CLDN1: variants seen among roughly 807,000 people sequenced by gnomAD.
CLDN1 encodes the protein claudin 1.
In CLDN1, 12 loss-of-function variants were observed where a neutral mutation model predicts 22.6. The observed-to-expected ratio is 0.53, with a 90% CI of 0.34 to 0.86. CLDN1 has a LOEUF of 0.86. Ranked by LOEUF, CLDN1 falls within the 40% of genes least tolerant of loss-of-function variation. The probability of loss-of-function intolerance (pLI) is 0.02; values close to 1 mark genes in which losing one functional copy is unlikely to be tolerated. For synonymous variants in CLDN1, 99 were observed against 103.8 expected, an observed-to-expected ratio of 0.95 and a Z score of 0.28; for missense variants, 250 against 269.5, an observed-to-expected ratio of 0.93 and a Z score of 0.51.
chr3:190,313,033 G>T lies in CLDN1; in HGVS notation c.227C>A (p.Thr76Lys). 1 of 1,614,118 alleles carries T rather than the reference G, an allele frequency of 6.2e-7. No homozygotes were observed. The highest frequency in any genetic ancestry group is 1.1e-5 in the South Asian group (1 of 91,078). ...CATCAAGGCACGGGTTGCTTGCAAT[G>T]TGCCTGGCAGAAAACATTTTAAAAC... ...VFDSLLNLSSTLQATRALMVV... is the reference protein window; with the variant it reads ...VFDSLLNLSSKLQATRALMVV... The change falls in exon 2 of 4, where the codon ACA becomes AAA. Residue 76 changes from threonine (T) to lysine (K), a missense_variant. By Grantham distance (78) the Thr-to-Lys change is moderately conservative. Coordinates refer to ENST00000295522, the MANE Select transcript of CLDN1 (RefSeq NM_021101.5).
chr3:190,312,765 A>T, intron 2 of CLDN1, 107 bp downstream of exon 2: 1 of 1,228,544 alleles, frequency 8.1e-7, no homozygotes, highest in Non-Finnish European at 1.2e-6. Flanking sequence ...CTATGTTTGC[A>T]GTTTGCCTTA....
Position 190,312,984 on chromosome 3 carries a change from C to T in CLDN1, c.276G>A (p.Val92=), listed in dbSNP as rs1716667410. The change falls in exon 2 of 4, where the codon GTG becomes GTA. Residue 92 remains valine (V), a synonymous_variant. Coordinates refer to ENST00000295522, the MANE Select transcript of CLDN1 (RefSeq NM_021101.5). ...ALMVVGILLG[V]IAIFVATVGM... is the part of the protein sequence containing the mutation. Reference sequence around the variant, plus strand: ...CAACGGTGGCCACAAAGATTGCTATCACTCCCAGGAGGATGCCAACCACCA... The same window carrying T: ...CAACGGTGGCCACAAAGATTGCTATTACTCCCAGGAGGATGCCAACCACCA... 6.2e-7 allele frequency: 1 copy of T among 1,614,170 alleles called. No individual in the cohort carries two copies. Among genetic ancestry groups the T allele is most frequent in the African/African-American group, 1.3e-5 (1 of 75,046 alleles).
rs1362198693 is a variant in CLDN1 at position 190,307,081 on chromosome 3, C to G, written c.*1196G>C. On this transcript the variant is annotated 3_prime_UTR_variant, in exon 4 of 4. Transcript: ENST00000295522. Reference sequence around the variant, plus strand: ...GTTCAAAGAATGAGAGTAATATAAACTAATTAATATTCACACTACCTCTTC... The same window carrying G: ...GTTCAAAGAATGAGAGTAATATAAAGTAATTAATATTCACACTACCTCTTC... 6.6e-6 allele frequency: 1 copy of G among 152,568 alleles called. No homozygotes were observed. 9.5% of individuals were successfully genotyped at this position (152,568 alleles called of 1,614,324 possible).
chr3:190,313,931 A>T (rs1035056480), intron 1 of CLDN1, among the ~76,000 whole-genome samples: 4 of 152,222 alleles, frequency 2.6e-5, no homozygotes, highest in Admixed American at 6.5e-5. Context: ...ATTTTTAAAT[A>T]TGAACTGAAA....
chr3:190,322,433 T>C lies in CLDN1; in HGVS notation c.-227A>G. 1.7e-6 allele frequency: 1 copy of C among 583,088 alleles called. No homozygotes were observed. Among genetic ancestry groups the C allele is most frequent in the Non-Finnish European group, 3.1e-6 (1 of 325,588 alleles). 36.1% of individuals were successfully genotyped at this position (583,088 alleles called of 1,614,324 possible). On this transcript the variant is annotated 5_prime_UTR_variant, in exon 1 of 4. Transcript: ENST00000295522. ...CTAGAAGCTGCGGTTGCTCCCAGGC[T>C]CGGGAACTGAGACGCAGAACCGCTG...
At chr3:190,316,769 C>T (rs1716781771) in intron 1 of CLDN1, among the ~76,000 whole-genome samples, 1 of 152,110 alleles carries the variant, frequency 6.6e-6, no homozygotes, top group Non-Finnish European at 1.5e-5. Flanking sequence ...ATGTCTTTAT[C>T]CTTTAAAAAT....
At chr3:190,308,647 G>A (rs575268599) in intron 3 of CLDN1, among the ~76,000 whole-genome samples, 1 of 152,140 alleles carries the variant, frequency 6.6e-6, no homozygotes, top group Non-Finnish European at 1.5e-5. Context: ...TAGTAGATCA[G>A]GAAATAACAC....
At position 190,306,671 on chromosome 3, in the gene CLDN1, C is replaced by CCAA. The variant is rs1287475779; in HGVS notation, c.*1603_*1605dup. Reference sequence around the variant, plus strand: ...AAATCCAGGTCTCCAGACACCAATGCCAACACCCTTTCCATTACATCATCT... The same window carrying CCAA: ...AAATCCAGGTCTCCAGACACCAATGCCAACAACACCCTTTCCATTACATCATCT... On this transcript the variant is annotated 3_prime_UTR_variant, in exon 4 of 4. Coordinates refer to ENST00000295522, the MANE Select transcript of CLDN1 (RefSeq NM_021101.5). 1 of 152,670 alleles carries CCAA rather than the reference C, an allele frequency of 6.6e-6. No individual in the cohort carries two copies. The highest frequency in any genetic ancestry group is 6.5e-5 in the Admixed American group (1 of 15,276). The allele number at this position is 152,670 out of a possible 1,614,324, so 9.5% of individuals were successfully genotyped here. A position where few individuals can be genotyped will look rare whatever the true frequency, so the allele number is the denominator to read the frequency against.
intron 3 of CLDN1, among the ~76,000 whole-genome samples, chr3:190,309,399 T>C (rs1716551730): frequency 6.6e-6 from 1 of 152,202 alleles, no homozygotes; most frequent in Non-Finnish European, 1.5e-5. Flanking sequence ...TGGGTGATTA[T>C]ATAAAAAGAA....
chr3:190,322,271 G>T lies in CLDN1; in HGVS notation c.-65C>A. The T allele has an allele frequency of 2.1e-6, 3 of 1,442,102 alleles. No homozygotes were observed. Among genetic ancestry groups the T allele is most frequent in the Non-Finnish European group, 2.9e-6 (3 of 1,035,568 alleles). The allele number at this position is 1,442,102 out of a possible 1,614,324, so 89.3% of individuals were successfully genotyped here. On this transcript the variant is annotated 5_prime_UTR_variant, in exon 1 of 4. Coordinates refer to ENST00000295522, the MANE Select transcript of CLDN1 (RefSeq NM_021101.5). ...TGCAGAAGGCGGAGAGTTTGCAGGT[G>T]GGCAACCCGGACTCCCGAAGGTGGC...
chr3:190,316,240 T>C (rs1005441591), intron 1 of CLDN1, among the ~76,000 whole-genome samples: 1 of 152,236 alleles, frequency 6.6e-6, no homozygotes, highest in South Asian at 2.1e-4. Flanking sequence ...TTTTTTAAAA[T>C]GTCGTTTTGC....
Position 190,322,354 on chromosome 3 carries a change from A to G in CLDN1, c.-148T>C. 1.3e-6 allele frequency: 1 copy of G among 755,412 alleles called. No individual in the cohort carries two copies. Among genetic ancestry groups the G allele is most frequent in the Non-Finnish European group, 2.2e-6 (1 of 446,502 alleles). 46.8% of individuals were successfully genotyped at this position (755,412 alleles called of 1,614,324 possible). On this transcript the variant is annotated 5_prime_UTR_variant, in exon 1 of 4. Transcript: ENST00000295522. ...CCTGCTCGCTGCGCCGCCGCTGGAG[A>G]AGCTCTGGGTCGGGGTTGGGGTCCG...
chr3:190,310,367 A>G lies in CLDN1; in HGVS notation c.389-114T>C. 3 of 746,318 alleles carry G rather than the reference A, an allele frequency of 4.0e-6. No homozygotes were observed. The South Asian group carries it at 4.7e-5, about 12-fold the overall frequency. 46.2% of individuals were successfully genotyped at this position (746,318 alleles called of 1,614,324 possible). On this transcript the variant is annotated intron_variant, in intron 2 of 3. Coordinates refer to ENST00000295522, the MANE Select transcript of CLDN1 (RefSeq NM_021101.5). Reference sequence around the variant, plus strand: ...GAATTAAATCTCATCAATAGTGTTGACATTTTTATTTTGGTATTAGGGAGA... The same window carrying G: ...GAATTAAATCTCATCAATAGTGTTGGCATTTTTATTTTGGTATTAGGGAGA...
In CLDN1 at chr3:190,307,039, A is replaced by G. The variant is rs535461690; in HGVS notation, c.*1238T>C. 6.5e-6 allele frequency: 1 copy of G among 152,812 alleles called. No individual in the cohort carries two copies. Among genetic ancestry groups the G allele is most frequent in the African/African-American group, 2.4e-5 (1 of 41,592 alleles). The allele number at this position is 152,812 out of a possible 1,614,324, so 9.5% of individuals were successfully genotyped here. A position where few individuals can be genotyped will look rare whatever the true frequency, so the allele number is the denominator to read the frequency against. On this transcript the variant is annotated 3_prime_UTR_variant, in exon 4 of 4. Coordinates refer to ENST00000295522, the MANE Select transcript of CLDN1 (RefSeq NM_021101.5). ...AGCCAGCTGAGCAAATAAAGACACT[A>G]CATAGGCATAGTTCATGTTCAAAGA...
rs1438285547 is a variant in CLDN1, at chr3:190,307,246, C to T, written c.*1031G>A. 1 of 152,362 alleles carries T rather than the reference C, an allele frequency of 6.6e-6. No homozygotes were observed. The highest frequency in any genetic ancestry group is 1.5e-5 in the Non-Finnish European group (1 of 68,044). 9.4% of individuals were successfully genotyped at this position (152,362 alleles called of 1,614,324 possible). On this transcript the variant is annotated 3_prime_UTR_variant, in exon 4 of 4. Transcript: ENST00000295522. ...AAGTCTAGCACTTTGTTCAGACAAA[C>T]AGACCACACCTTATTAGGAAGATAT...
intron 1 of CLDN1, 46 bp downstream of exon 1, chr3:190,321,938 G>A: frequency 1.4e-6 from 2 of 1,476,812 alleles, no homozygotes; most frequent in Non-Finnish European, 1.9e-6. Context: ...AGCTGCAGGG[G>A]GACTGGGGCC....
At chr3:190,319,293 G>A (rs904450472) in intron 1 of CLDN1, among the ~76,000 whole-genome samples, 12 of 152,254 alleles carry the variant, frequency 7.9e-5, no homozygotes, top group African/African-American at 2.9e-4. Flanking sequence ...CCAACTTTCA[G>A]CTACAAGAAT....
chr3:190,308,884 G>C (rs1716532958), intron 3 of CLDN1, among the ~76,000 whole-genome samples: 1 of 152,094 alleles, frequency 6.6e-6, no homozygotes, highest in Admixed American at 6.6e-5. Context: ...TTGGTCCCAG[G>C]CACCTATACA....
In CLDN1 at chr3:190,318,550, A is replaced by AACT. The variant is rs376199996; in HGVS notation, c.223+3431_223+3433dup. On this transcript the variant is annotated intron_variant, in intron 1 of 3. Coordinates refer to ENST00000295522, the MANE Select transcript of CLDN1 (RefSeq NM_021101.5). ...CTCTGCCCTATTTTATAAGTGGGGTAACTACTTGAAACCAGGGAGATCAAG... is the reference window on the plus strand; with the variant it reads ...CTCTGCCCTATTTTATAAGTGGGGTAACTACTACTTGAAACCAGGGAGATCAAG... Among the ~76,000 whole-genome samples the AACT allele has an allele frequency of 3.8e-3, 574 of 152,306 alleles. 5 individuals are homozygous for AACT. The highest frequency in any genetic ancestry group is 0.013 in the African/African-American group (545 of 41,574).
Sources: allele counts gnomAD v4.1 joint callset (sites outside exome capture counted in the v4.1 genomes callset), GRCh38; gene constraint gnomAD v4.1.1; transcripts MANE v1.5; gene names NCBI Gene and HGNC (gene_info 2026-07-23, HGNC 2026-07-21).